The following TNFRSF11A variants were observed in gnomAD, a reference collection of about 807,000 sequenced individuals.
TNFRSF11A encodes TNF receptor superfamily member 11a.
Under a neutral mutation model 55.7 loss-of-function variants are expected in TNFRSF11A, and 32 were observed. The observed-to-expected ratio is 0.57, with a 90% CI of 0.43 to 0.77. The LOEUF (loss-of-function observed/expected upper bound fraction) is 0.77. Ranked by LOEUF, TNFRSF11A falls within the 30% of genes least tolerant of loss-of-function variation. The pLI, the probability that TNFRSF11A is intolerant of heterozygous loss-of-function variation, is 0.00. For synonymous variants in TNFRSF11A, 311 were observed against 331.0 expected, an observed-to-expected ratio of 0.94 and a Z score of 0.65; for missense variants, 753 against 809.8, an observed-to-expected ratio of 0.93 and a Z score of 0.85.
At position 62,354,432 on chromosome 18, in the gene TNFRSF11A, C is replaced by T. The variant is rs765554551; in HGVS notation, c.325C>T (p.Pro109Ser). The change falls in exon 4 of 10, where the codon CCC becomes TCC. Residue 109 changes from proline to serine, a missense_variant. Physicochemically the swap from Pro to Ser is moderately conservative, Grantham distance 74. This residue lies in a region of TNFRSF11A where 156 missense variants were observed against 155.1 expected (regional missense o/e 1.01). Coordinates refer to ENST00000586569, the MANE Select transcript of TNFRSF11A (RefSeq NM_003839.4). ...VAVVAGNSTTPRRCACTAGYH... is the reference protein window; with the variant it reads ...VAVVAGNSTTSRRCACTAGYH... ...CGTGGTCGCCGGCAACAGCACGACC[C>T]CCCGGCGCTGCGCGTGCACGGCTGG... 1.3e-6 allele frequency: 2 copies of T among 1,597,202 alleles called. No individual in the cohort carries two copies. The highest frequency in any genetic ancestry group is 2.2e-5 in the East Asian group (1 of 44,758).
chr18:62,367,788 C>T (rs12957572), intron 8 of TNFRSF11A, among the ~76,000 whole-genome samples: 262 of 78,724 alleles, frequency 3.3e-3, no homozygotes, highest in Middle Eastern at 0.012. Flanking sequence ...TCTTCTTCTT[C>T]TTTTTTTTTT....
At chr18:62,345,482 C>A (rs984681500) in intron 1 of TNFRSF11A, among the ~76,000 whole-genome samples, 6 of 151,968 alleles carry the variant, frequency 3.9e-5, no homozygotes, top group Non-Finnish European at 8.8e-5. Flanking sequence ...TAAGCTGGAC[C>A]CTAAATGAGA....
At position 62,349,864 on chromosome 18, in the gene TNFRSF11A, C is replaced by T; in HGVS notation, c.210C>T (p.Pro70=). ...CTTTSDSVCL[P]CGPDEYLDSW... is the part of the protein sequence containing the mutation. ...CTACCTCTGACAGTGTATGTCTGCCCTGTGGCCCGGATGAATACTTGGATA... is the reference window on the plus strand; with the variant it reads ...CTACCTCTGACAGTGTATGTCTGCCTTGTGGCCCGGATGAATACTTGGATA... Residue 70 remains proline (P), a synonymous_variant, in exon 3 of 10, where the codon CCC becomes CCT. Transcript: ENST00000586569. 8.7e-6 allele frequency: 14 copies of T among 1,614,126 alleles called. No individual in the cohort carries two copies. The highest frequency in any genetic ancestry group is 1.2e-5 in the Non-Finnish European group (14 of 1,180,012).
At chr18:62,354,152 A>G (rs560721814) in intron 3 of TNFRSF11A, among the ~76,000 whole-genome samples, 2 of 152,336 alleles carry the variant, frequency 1.3e-5, no homozygotes, top group South Asian at 4.1e-4. Flanking sequence ...ACTTTTAAAA[A>G]AAGCCCACAA....
chr18:62,341,836 C>CTTTTTTTTTT (rs34047775), intron 1 of TNFRSF11A, among the ~76,000 whole-genome samples: 8 of 85,212 alleles, frequency 9.4e-5, no homozygotes, highest in East Asian at 4.5e-4. Flanking sequence ...CTGAGAATGG[C>CTTTTTTTTTT]TTTTTTTTTT....
In TNFRSF11A at chr18:62,390,416, C is replaced by CT. The variant is rs1343914713; in HGVS notation, c.*5383dup. 13 of 152,366 alleles carry CT rather than the reference C, an allele frequency of 8.5e-5. No individual in the cohort carries two copies. The highest frequency in any genetic ancestry group is 3.1e-4 in the African/African-American group (13 of 41,594). 9.4% of individuals were successfully genotyped at this position (152,366 alleles called of 1,614,324 possible). On this transcript the variant is annotated 3_prime_UTR_variant, in exon 10 of 10. Transcript: ENST00000586569. ...ATAGCCAGATGTGAAGGTTGAAAGG[C>CT]TATGTGGGCTAGTTTGTCATGGTAT... is the stretch of plus-strand genomic sequence containing the variant.
intron 1 of TNFRSF11A, among the ~76,000 whole-genome samples, chr18:62,338,312 T>C (rs1334560920): frequency 1.3e-5 from 2 of 152,174 alleles, no homozygotes; most frequent in Admixed American, 1.3e-4. Flanking sequence ...TAACTTAGGA[T>C]TCCTAGGTAT....
rs1482312584 is a variant in TNFRSF11A, at chr18:62,387,467, C to G, written c.*2433C>G. 3.9e-5 allele frequency: 6 copies of G among 152,118 alleles called. No individual in the cohort carries two copies. The highest frequency in any genetic ancestry group is 8.8e-5 in the Non-Finnish European group (6 of 68,028). 9.4% of individuals were successfully genotyped at this position (152,118 alleles called of 1,614,324 possible). On this transcript the variant is annotated 3_prime_UTR_variant, in exon 10 of 10. Coordinates refer to ENST00000586569, the MANE Select transcript of TNFRSF11A (RefSeq NM_003839.4). ...CCGAGCTCACTGTAAAATCATGATCCAACTTATTGCTAATCTTTATGATAT... is the reference window on the plus strand; with the variant it reads ...CCGAGCTCACTGTAAAATCATGATCGAACTTATTGCTAATCTTTATGATAT...
Position 62,361,675 on chromosome 18 carries a change from T to A in TNFRSF11A, c.617-5T>A, listed in dbSNP as rs761515551. 1 of 1,612,226 alleles carries A rather than the reference T, an allele frequency of 6.2e-7. No individual in the cohort carries two copies. On this transcript the variant is annotated splice_region_variant and splice_polypyrimidine_tract_variant and intron_variant, in intron 6 of 9. Coordinates refer to ENST00000586569, the MANE Select transcript of TNFRSF11A (RefSeq NM_003839.4). ...TACCATATTTCTCATTTTCTTCCAA[T>A]ACAGAACCCCATGTTTACTTGCCCG...
In TNFRSF11A at chr18:62,389,253, T is replaced by C. The variant is rs1404173532; in HGVS notation, c.*4219T>C. On this transcript the variant is annotated 3_prime_UTR_variant, in exon 10 of 10. Coordinates refer to ENST00000586569, the MANE Select transcript of TNFRSF11A (RefSeq NM_003839.4). ...AGAGGAGGCTTCTGGGAAGGGGCTG[T>C]CTGTGGAATTTCTGACCCCCAGAGC... The C allele has an allele frequency of 2.6e-5, 4 of 152,310 alleles. No homozygotes were observed. The highest frequency in any genetic ancestry group is 9.7e-5 in the African/African-American group (4 of 41,436). 9.4% of individuals were successfully genotyped at this position (152,310 alleles called of 1,614,324 possible). A position where few individuals can be genotyped will look rare whatever the true frequency, so the allele number is the denominator to read the frequency against.
chr18:62,330,574 G>A (rs1051698907), intron 1 of TNFRSF11A, among the ~76,000 whole-genome samples: 9 of 152,204 alleles, frequency 5.9e-5, no homozygotes, highest in Non-Finnish European at 8.8e-5. Flanking sequence ...GTGAGCTGGA[G>A]AGGGCCATGA....
chr18:62,334,028 G>T (rs10163762), intron 1 of TNFRSF11A, among the ~76,000 whole-genome samples: 23,194 of 152,056 alleles, frequency 0.15, 2,406 homozygotes, highest in Middle Eastern at 0.28. Context: ...ACCATGCCAG[G>T]CTAATTTTTG....
chr18:62,329,248 C>T (rs913386314), intron 1 of TNFRSF11A, among the ~76,000 whole-genome samples: 25 of 152,112 alleles, frequency 1.6e-4, no homozygotes, highest in African/African-American at 5.3e-4. Context: ...CCTGATGGTA[C>T]GCAACTGTCC....
chr18:62,366,310 T>C (rs979665890), intron 7 of TNFRSF11A, among the ~76,000 whole-genome samples: 2 of 152,108 alleles, frequency 1.3e-5, no homozygotes, highest in Non-Finnish European at 2.9e-5. Context: ...AAAAGTCAAA[T>C]ATACAGAGAT....
At chr18:62,338,994 C>T (rs1390918457) in intron 1 of TNFRSF11A, among the ~76,000 whole-genome samples, 1 of 152,164 alleles carries the variant, frequency 6.6e-6, no homozygotes, top group Non-Finnish European at 1.5e-5. Flanking sequence ...ACTTTGCTGT[C>T]GGCTCCTGCC....
In TNFRSF11A at chr18:62,368,872, G is replaced by T; in HGVS notation, c.955G>T (p.Ala319Ser). The change falls in exon 9 of 10, where the codon GCA becomes TCA. Residue 319 changes from alanine to serine, a missense_variant. Coordinates refer to ENST00000586569, the MANE Select transcript of TNFRSF11A (RefSeq NM_003839.4). The part of the protein sequence containing the change: ...QGTCVGGGPY[A>S]QGEDARMLSL... ...CACATGTGTAGGAGGTGGTCCCTAC[G>T]CACAAGGCGAAGATGCCAGGATGCT... 1 of 1,614,182 alleles carries T rather than the reference G, an allele frequency of 6.2e-7. No individual in the cohort carries two copies.
At chr18:62,348,442 G>GA (rs1185961959) in intron 2 of TNFRSF11A, among the ~76,000 whole-genome samples, 193 bp downstream of exon 2, 2 of 152,052 alleles carry the variant, frequency 1.3e-5, no homozygotes, top group Non-Finnish European at 2.9e-5. Context: ...AAATCCCTTA[G>GA]AAAAAAACAA....
At chr18:62,327,954 CA>C (rs1057254519) in intron 1 of TNFRSF11A, among the ~76,000 whole-genome samples, 1 of 152,164 alleles carries the variant, frequency 6.6e-6, no homozygotes, top group African/African-American at 2.4e-5. Context: ...TTCCAGGTAA[CA>C]AAATATAGAT....
intron 7 of TNFRSF11A, among the ~76,000 whole-genome samples, chr18:62,364,235 C>T (rs77711796): frequency 0.018 from 2,771 of 152,178 alleles, 50 homozygotes; most frequent in Non-Finnish European, 0.028. Context: ...GGCATTCTAT[C>T]GTGAGAGAGC....
Sources: gnomAD v4.1 joint callset for allele counts (sites outside exome capture counted in the v4.1 genomes callset) on GRCh38, gnomAD v4.1.1 for gene constraint, gnomAD v4.1.1 regional missense constraint, MANE v1.5 for transcripts, NCBI Gene and HGNC (gene_info 2026-07-23, HGNC 2026-07-21) for gene names.